The following RSF1 variants were observed in gnomAD, a reference collection of about 807,000 sequenced individuals.
RSF1 encodes the protein remodeling and spacing factor 1, also known as HBV pX-associated protein 8.
Under a neutral mutation model 145.2 loss-of-function variants are expected in RSF1, and 13 were observed. The observed-to-expected ratio is 0.09, with a 90% CI of 0.06 to 0.14. RSF1 has a LOEUF of 0.14. Among genes scored for constraint, RSF1 ranks in the 10% least tolerant of loss-of-function variants. The pLI, the probability that RSF1 is intolerant of heterozygous loss-of-function variation, is 1.00. For missense variants in RSF1, 1,517 were observed against 1,718.2 expected, an observed-to-expected ratio of 0.88 and a Z score of 2.07; for synonymous variants, 577 against 592.6, an observed-to-expected ratio of 0.97 and a Z score of 0.38.
At chr11:77,869,176 T>A in the RSF1 span, 1 of 237,190 alleles carries the variant, frequency 4.2e-6, no homozygotes. Flanking sequence ...GCATCTCCTC[T>A]TTCCCTTTGT....
chr11:77,789,766 G>C (rs990642623), intron 1 of RSF1, among the ~76,000 whole-genome samples: 3 of 152,156 alleles, frequency 2.0e-5, no homozygotes, highest in African/African-American at 7.2e-5. Context: ...GGGAGCCTGA[G>C]GATAAGCCCT....
chr11:77,665,690 C>G lies in RSF1; in HGVS notation c.*1227G>C, dbSNP rs1221292755. 2 of 152,132 alleles carry G rather than the reference C, an allele frequency of 1.3e-5. No individual in the cohort carries two copies. The highest frequency in any genetic ancestry group is 2.9e-5 in the Non-Finnish European group (2 of 68,036). 9.4% of individuals were successfully genotyped at this position (152,132 alleles called of 1,614,324 possible). A position where few individuals can be genotyped will look rare whatever the true frequency, so the allele number is the denominator to read the frequency against. On this transcript the variant is annotated 3_prime_UTR_variant, in exon 16 of 16. Coordinates refer to ENST00000308488, the MANE Select transcript of RSF1 (RefSeq NM_016578.4). ...ACTATTAATGAATTTTAATAGAAGT[C>G]TAATGGCCAAAGGCCAAAACTACAT...
chr11:77,661,561 A>G lies in RSF1; in HGVS notation c.*5356T>C, dbSNP rs1184997452. 2 of 152,022 alleles carry G rather than the reference A, an allele frequency of 1.3e-5. No individual in the cohort carries two copies. The highest frequency in any genetic ancestry group is 2.4e-5 in the African/African-American group (1 of 41,402). The allele number at this position is 152,022 out of a possible 1,614,324, so 9.4% of individuals were successfully genotyped here. A position where few individuals can be genotyped will look rare whatever the true frequency, so the allele number is the denominator to read the frequency against. ...GCAGTTGACATGCACCAATTCTGCT[A>G]AAGGGCAGGAGAATGAAAAAGACAT... On this transcript the variant is annotated 3_prime_UTR_variant, in exon 16 of 16. Coordinates refer to ENST00000308488, the MANE Select transcript of RSF1 (RefSeq NM_016578.4).
In RSF1 at chr11:77,700,855, T is replaced by C. The variant is rs1412344686; in HGVS notation, c.2374A>G (p.Arg792Gly). ...CTTTTTTTATCAGCTTTCTGATCTC[T>C]GATCTCAGCCACTTTTGCAGTGGGT... ...SRPTAKVAEI[R>G]DQKADKKRGE... is the part of the protein sequence containing the mutation. The change falls in exon 6 of 16, where the codon AGA becomes GGA. Residue 792 changes from arginine (R) to glycine (G), a missense_variant. By Grantham distance (125) the Arg-to-Gly change is moderately radical. Transcript: ENST00000308488. The C allele has an allele frequency of 1.2e-6, 2 of 1,613,848 alleles. No homozygotes were observed. Among genetic ancestry groups the C allele is most frequent in the Non-Finnish European group, 1.7e-6 (2 of 1,180,018 alleles).
chr11:77,785,311 T>C (rs1035617065), intron 1 of RSF1, among the ~76,000 whole-genome samples: 5 of 152,178 alleles, frequency 3.3e-5, no homozygotes, highest in Non-Finnish European at 7.3e-5. Context: ...CAACATTGGC[T>C]GGGCACAGTG....
chr11:77,788,675 C>T (rs1168083028), intron 1 of RSF1, among the ~76,000 whole-genome samples: 1 of 151,942 alleles, frequency 6.6e-6, no homozygotes, highest in Non-Finnish European at 1.5e-5. Flanking sequence ...TGCTACAAAT[C>T]CCAGTGGATA....
intron 5 of RSF1, among the ~76,000 whole-genome samples, chr11:77,712,968 C>T (rs1960722181): frequency 6.6e-6 from 1 of 152,160 alleles, no homozygotes; most frequent in African/African-American, 2.4e-5. Context: ...TCAGGCTCAT[C>T]TTGTGTTTTC....
At chr11:77,671,634 AT>A (rs145812199) in intron 15 of RSF1, among the ~76,000 whole-genome samples, 80,488 of 122,242 alleles carry the variant, frequency 0.66, 25,189 homozygotes, top group African/African-American at 0.76. Flanking sequence ...GGTTATATGG[AT>A]TTTTTTTTTT....
intron 2 of RSF1, chr11:77,763,638 A>G (rs534100743): frequency 2.6e-4 from 40 of 152,370 alleles, no homozygotes; most frequent in African/African-American, 9.1e-4. Context: ...ATATAAAACC[A>G]TATGACAGTT....
At chr11:77,855,146 A>G in the RSF1 span, among the ~76,000 whole-genome samples, 1 of 152,168 alleles carries the variant, frequency 6.6e-6, no homozygotes, top group Non-Finnish European at 1.5e-5. Context: ...CTGTCCCACA[A>G]AACCATTATT....
intron 1 of RSF1, among the ~76,000 whole-genome samples, chr11:77,781,961 T>G (rs141011276): frequency 6.6e-6 from 1 of 152,222 alleles, no homozygotes; most frequent in Non-Finnish European, 1.5e-5. Flanking sequence ...AATATAGTCA[T>G]TAGTCTTTGC....
intron 10 of RSF1, 38 bp from the exon 11 acceptor site, chr11:77,683,857 T>C (rs1350453845): frequency 2.7e-6 from 4 of 1,474,128 alleles, no homozygotes; most frequent in Non-Finnish European, 3.7e-6. Context: ...GGTTATTCCT[T>C]ATGCAGAACA....
chr11:77,728,518 GA>G (rs1780025775), intron 4 of RSF1, among the ~76,000 whole-genome samples: 1 of 149,478 alleles, frequency 6.7e-6, no homozygotes, highest in African/African-American at 2.5e-5. Context: ...GAAAGGAAAG[GA>G]AAGGGGAAAG....
rs1425914497 is a variant in RSF1, at chr11:77,687,673, C to CCT, written c.2901-2515_2901-2514insAG. On this transcript the variant is annotated intron_variant, in intron 9 of 15. Transcript: ENST00000308488. ...AGTTATCGTGCCACTGCACTCTAGCCTGGGTGACAAAGCGAGACTCTGTCT... is the reference window on the plus strand; with the variant it reads ...AGTTATCGTGCCACTGCACTCTAGCCCTTGGGTGACAAAGCGAGACTCTGTCT... Among the ~76,000 whole-genome samples, 2 of 152,062 alleles carry CCT rather than the reference C, an allele frequency of 1.3e-5. 1 individual carries two copies. Among genetic ancestry groups the CCT allele is most frequent in the Non-Finnish European group, 2.9e-5 (2 of 68,012 alleles).
At position 77,702,542 on chromosome 11, in the gene RSF1, CTATAAAA is replaced by C. The variant is rs753451358; in HGVS notation, c.734-54_734-48del. ...ATTACATGAATAGAAACTTTCAAGGCTATAAAATATAAGACTTAGTATAATGTATATT... is the reference window on the plus strand; with the variant it reads ...ATTACATGAATAGAAACTTTCAAGGCTATAAGACTTAGTATAATGTATATT... On this transcript the variant is annotated intron_variant, in intron 5 of 15. Transcript: ENST00000308488. 5.4e-6 allele frequency: 7 copies of C among 1,300,024 alleles called. No individual in the cohort carries two copies. In the South Asian group the frequency reaches 8.0e-5, roughly 15 times the overall value. The allele number at this position is 1,300,024 out of a possible 1,614,324, so 80.5% of individuals were successfully genotyped here.
chr11:77,869,702 C>G, the RSF1 span: 1 of 1,611,478 alleles, frequency 6.2e-7, no homozygotes, highest in Non-Finnish European at 8.5e-7. Flanking sequence ...TACCTGTCTA[C>G]TTTCTCTTTC....
intron 1 of RSF1, among the ~76,000 whole-genome samples, chr11:77,801,453 G>C (rs141350540): frequency 6.6e-6 from 1 of 152,160 alleles, no homozygotes; most frequent in South Asian, 2.1e-4. Context: ...ATACATATTC[G>C]ATCTTTGCTC....
intron 4 of RSF1, among the ~76,000 whole-genome samples, chr11:77,737,493 A>AACAACAAC (rs562370127): frequency 1.6e-4 from 23 of 146,292 alleles, no homozygotes; most frequent in African/African-American, 5.6e-4. Context: ...ACAACAACAA[A>AACAACAAC]AAAACGGAAA....
At chr11:77,854,546 C>A in the RSF1 span, among the ~76,000 whole-genome samples, 1 of 152,192 alleles carries the variant, frequency 6.6e-6, no homozygotes, top group Non-Finnish European at 1.5e-5. Flanking sequence ...CTTAAAACTC[C>A]AAAATAATAT....
Sources: gnomAD v4.1 joint callset for allele counts (sites outside exome capture counted in the v4.1 genomes callset) on GRCh38, gnomAD v4.1.1 for gene constraint, MANE v1.5 for transcripts, NCBI Gene and HGNC (gene_info 2026-07-23, HGNC 2026-07-21) for gene names.